Variants in SETBP1 observed in about 807,000 individuals in gnomAD.
SETBP1 encodes SET-binding protein.
A neutral mutation model predicts 101.0 loss-of-function variants in SETBP1; 9 were observed. That is an observed-to-expected ratio of 0.09 (90% confidence interval 0.05 to 0.16). The LOEUF (loss-of-function observed/expected upper bound fraction) is 0.16, where lower values mean the gene tolerates loss of function less well. Ranked by LOEUF, SETBP1 falls within the 10% of genes least tolerant of loss-of-function variation. The pLI is 1.00. For missense variants in SETBP1, 1,858 were observed against 2,033.8 expected, an observed-to-expected ratio of 0.91 and a Z score of 1.66; for synonymous variants, 818 against 788.5, an observed-to-expected ratio of 1.04 and a Z score of -0.63.
At chr18:44,939,875 A>C (rs2071048169) in intron 3 of SETBP1, among the ~76,000 whole-genome samples, 1 of 152,222 alleles carries the variant, frequency 6.6e-6, no homozygotes, top group Non-Finnish European at 1.5e-5. Flanking sequence ...ATATTTTGAC[A>C]AACGTATTTT....
intron 3 of SETBP1, among the ~76,000 whole-genome samples, chr18:44,913,222 G>A (rs2070353069): frequency 6.6e-6 from 1 of 152,216 alleles, no homozygotes; most frequent in Non-Finnish European, 1.5e-5. Context: ...TACGCCCACA[G>A]AACAAGTCTC....
chr18:44,878,333 A>T (rs1599265160), intron 3 of SETBP1, among the ~76,000 whole-genome samples: 1 of 150,086 alleles, frequency 6.7e-6, no homozygotes, highest in African/African-American at 2.5e-5. Context: ...TTTTTCATTC[A>T]TTTTTTTTTT....
At chr18:44,815,162 T>C (rs1303252040) in intron 2 of SETBP1, among the ~76,000 whole-genome samples, 1 of 152,242 alleles carries the variant, frequency 6.6e-6, no homozygotes. Flanking sequence ...GCTCTTATCA[T>C]ATTTCCAGTG....
In SETBP1 at chr18:45,063,330, C is replaced by G; in HGVS notation, c.4423C>G (p.Leu1475Val). ...GGACTCCAGAGACCAAATGCCGGTG[C>G]TGGAAAAATGCATCGACCTGCCCAG... Reference protein sequence around the residue: ...DEDSRDQMPVLEKCIDLPSKR... With the variant: ...DEDSRDQMPVVEKCIDLPSKR... The change falls in exon 6 of 6, where the codon CTG becomes GTG. Residue 1475 changes from leucine (L) to valine (V), a missense_variant. Around this residue, in one of 12 missense-constraint regions of SETBP1, gnomAD observed 178 missense variants for 189.1 expected, o/e 0.94. Transcript: ENST00000649279. 1 of 1,596,744 alleles carries G rather than the reference C, an allele frequency of 6.3e-7. No homozygotes were observed. Among genetic ancestry groups the G allele is most frequent in the South Asian group, 1.1e-5 (1 of 88,554 alleles).
At position 44,950,623 on chromosome 18, in the gene SETBP1, T is replaced by C; in HGVS notation, c.1283T>C (p.Val428Ala). 6.2e-7 allele frequency: 1 copy of C among 1,614,004 alleles called. No individual in the cohort carries two copies. The highest frequency in any genetic ancestry group is 1.3e-5 in the African/African-American group (1 of 74,990). ...AAAAGACAGTCCATTAAAGCGGTGG[T>C]GGAAAAGATCATGCCAGAGAAAGCC... The part of the protein sequence containing the change: ...RKKRQSIKAV[V>A]EKIMPEKALA... The change falls in exon 4 of 6, where the codon GTG becomes GCG. Residue 428 changes from valine (V) to alanine (A), a missense_variant. Val to Ala is a moderately conservative substitution (Grantham distance 64, BLOSUM62 0). Around this residue, in one of 12 missense-constraint regions of SETBP1, gnomAD observed 581 missense variants for 535.1 expected, o/e 1.09. Coordinates refer to ENST00000649279, the MANE Select transcript of SETBP1 (RefSeq NM_015559.3).
chr18:44,720,306 C>T (rs1160681888), intron 2 of SETBP1, among the ~76,000 whole-genome samples: 1 of 151,966 alleles, frequency 6.6e-6, no homozygotes, highest in Non-Finnish European at 1.5e-5. Flanking sequence ...ATAGAAATAC[C>T]TATTCCTATA....
At chr18:44,885,008 C>G (rs1171557421) in intron 3 of SETBP1, among the ~76,000 whole-genome samples, 1 of 152,114 alleles carries the variant, frequency 6.6e-6, no homozygotes, top group East Asian at 1.9e-4. Context: ...ACCAATAACA[C>G]TTTTAGAATA....
At chr18:44,878,033 G>C (rs1042994240) in intron 3 of SETBP1, among the ~76,000 whole-genome samples, 12 of 152,192 alleles carry the variant, frequency 7.9e-5, no homozygotes, top group African/African-American at 2.9e-4. Context: ...ACAGGTGGGT[G>C]TTGGGGGGTA....
At chr18:45,055,221 C>T (rs184763423) in intron 5 of SETBP1, among the ~76,000 whole-genome samples, 3 of 152,160 alleles carry the variant, frequency 2.0e-5, no homozygotes, top group Admixed American at 6.5e-5. Flanking sequence ...AATAAACTCT[C>T]GAGGAGTTTT....
chr18:44,972,193 T>C (rs1233181756), intron 4 of SETBP1, among the ~76,000 whole-genome samples: 1 of 152,160 alleles, frequency 6.6e-6, no homozygotes. Flanking sequence ...TGTAGATATG[T>C]GGCATTATTT....
intron 3 of SETBP1, chr18:44,869,571 G>T: frequency 1.6e-5 from 6 of 369,262 alleles, no homozygotes; most frequent in East Asian, 6.9e-5. Context: ...TTCAGCTTAG[G>T]AAAGGGTTAA....
chr18:44,949,483 C>T (rs560621289), intron 3 of SETBP1, among the ~76,000 whole-genome samples: 2 of 152,336 alleles, frequency 1.3e-5, no homozygotes, highest in South Asian at 4.1e-4. Flanking sequence ...CCATCTTTGG[C>T]AGGACTCTCC....
At position 45,064,514 on chromosome 18, in the gene SETBP1, G is replaced by A. The variant is rs2073942646; in HGVS notation, c.*816G>A. ...GTTCACCCTTGGCATGCTGTTCCAA[G>A]AACCTGGGTTTGAATCCCAATCGTT... On this transcript the variant is annotated 3_prime_UTR_variant, in exon 6 of 6. Transcript: ENST00000649279. The A allele has an allele frequency of 6.6e-6, 1 of 151,646 alleles. No individual in the cohort carries two copies. The highest frequency in any genetic ancestry group is 1.5e-5 in the Non-Finnish European group (1 of 67,974). The allele number at this position is 151,646 out of a possible 1,614,324, so 9.4% of individuals were successfully genotyped here. A position where few individuals can be genotyped will look rare whatever the true frequency, so the allele number is the denominator to read the frequency against.
At chr18:44,975,989 T>A (rs985803841) in intron 4 of SETBP1, among the ~76,000 whole-genome samples, 3 of 152,000 alleles carry the variant, frequency 2.0e-5, no homozygotes, top group African/African-American at 4.8e-5. Context: ...CCTTAAGGAA[T>A]TATTTCTCAA....
intron 1 of SETBP1, among the ~76,000 whole-genome samples, chr18:44,685,068 G>A (rs1697606687): frequency 6.6e-6 from 1 of 152,150 alleles, no homozygotes; most frequent in Admixed American, 6.5e-5. Flanking sequence ...AGGATCCTCT[G>A]GGAGGTAGCT....
At chr18:44,852,460 G>T (rs1401067688) in intron 2 of SETBP1, among the ~76,000 whole-genome samples, 1 of 152,186 alleles carries the variant, frequency 6.6e-6, no homozygotes, top group Non-Finnish European at 1.5e-5. Flanking sequence ...CAGCTGCTCT[G>T]CTTAAATGAA....
intron 2 of SETBP1, among the ~76,000 whole-genome samples, chr18:44,796,432 C>T (rs964230170): frequency 7.9e-5 from 12 of 152,278 alleles, no homozygotes; most frequent in South Asian, 2.1e-4. Flanking sequence ...ACTGAATGCA[C>T]GTAAGAATGA....
At chr18:45,029,224 A>G (rs1442795647) in intron 4 of SETBP1, among the ~76,000 whole-genome samples, 1 of 152,136 alleles carries the variant, frequency 6.6e-6, no homozygotes, top group Non-Finnish European at 1.5e-5. Context: ...TCAGCTTTCT[A>G]CATATGGCTA....
intron 4 of SETBP1, among the ~76,000 whole-genome samples, chr18:44,958,022 A>C (rs1410158341): frequency 1.3e-5 from 2 of 152,204 alleles, no homozygotes; most frequent in Non-Finnish European, 2.9e-5. Flanking sequence ...TCCAAATCTT[A>C]TCTCTCACAC....
Sources: allele counts gnomAD v4.1 joint callset (sites outside exome capture counted in the v4.1 genomes callset), GRCh38; gene constraint gnomAD v4.1.1; regional missense constraint gnomAD v4.1.1; transcripts MANE v1.5; gene names NCBI Gene and HGNC (gene_info 2026-07-23, HGNC 2026-07-21).